FAM200B: variants seen among roughly 807,000 people sequenced by gnomAD.
FAM200B encodes protein FAM200B.
Under a neutral mutation model 33.1 loss-of-function variants are expected in FAM200B, and 32 were observed. The ratio of observed to expected loss-of-function variants is 0.97; its 90% CI spans 0.73 to 1.30. The LOEUF (loss-of-function observed/expected upper bound fraction) is 1.30. Ranked by LOEUF, FAM200B falls within the 50% of genes most tolerant of loss-of-function variation. The probability of loss-of-function intolerance (pLI) is 0.00; values close to 1 mark genes in which losing one functional copy is unlikely to be tolerated. For synonymous variants in FAM200B, 240 were observed against 264.8 expected (o/e 0.91, Z 0.91); for missense variants, 741 against 754.0 (o/e 0.98, Z 0.20).
the FAM200B span, chr4:15,656,379 C>T: frequency 2.3e-6 from 1 of 440,062 alleles, no homozygotes; most frequent in Non-Finnish European, 4.6e-6. Flanking sequence ...ACAGGGAAGC[C>T]TGAGAACCTT....
At chr4:15,662,390 G>A in the FAM200B span, among the ~76,000 whole-genome samples, 1 of 152,104 alleles carries the variant, frequency 6.6e-6, no homozygotes, top group Non-Finnish European at 1.5e-5. Flanking sequence ...AATAAACTAT[G>A]AAAAAGAGTA....
chr4:15,648,376 C>T, the FAM200B span, among the ~76,000 whole-genome samples: 1 of 152,114 alleles, frequency 6.6e-6, no homozygotes. Flanking sequence ...CAATCCCATT[C>T]CTGAGTATAT....
Position 15,688,409 on chromosome 4 carries a change from C to T in FAM200B, c.1432C>T (p.Arg478Cys), listed in dbSNP as rs1486152059. The T allele has an allele frequency of 6.5e-6, 10 of 1,546,954 alleles. No homozygotes were observed. The highest frequency in any genetic ancestry group is 3.6e-5 in the South Asian group (3 of 83,670). ...LLWQVRLKSN[R>C]PSYYMFPRFL... ...ATGGCAAGTAAGACTTAAAAGTAAT[C>T]GTCCTAGCTATTACATGTTTCCAAG... Residue 478 changes from arginine to cysteine, a missense_variant, in exon 2 of 2, where the codon CGT becomes TGT. Arg to Cys is a radical substitution (Grantham distance 180). Transcript: ENST00000422728.
chr4:15,655,513 C>T, the FAM200B span: 5 of 357,772 alleles, frequency 1.4e-5, no homozygotes, highest in African/African-American at 2.2e-5. Context: ...CTTCTGCCTC[C>T]CGCCCCCACT....
the FAM200B span, among the ~76,000 whole-genome samples, chr4:15,665,846 G>A: frequency 2.0e-5 from 3 of 152,174 alleles, no homozygotes; most frequent in African/African-American, 2.4e-5. Flanking sequence ...GTAGGAATCC[G>A]ATGATTAGTG....
At chr4:15,639,810 TTTTG>T in the FAM200B span, among the ~76,000 whole-genome samples, 89 of 152,352 alleles carry the variant, frequency 5.8e-4, no homozygotes, top group East Asian at 3.9e-4. Flanking sequence ...TCGGGGTTTC[TTTTG>T]TTTGTTTGTT....
upstream of FAM200B, among the ~76,000 whole-genome samples, chr4:15,680,489 G>A (rs1404139205): frequency 6.6e-6 from 1 of 152,090 alleles, no homozygotes; most frequent in Non-Finnish European, 1.5e-5. Context: ...TGGCCAAAAT[G>A]GTGAAACCCC....
chr4:15,658,085 T>A, the FAM200B span, among the ~76,000 whole-genome samples: 1 of 152,344 alleles, frequency 6.6e-6, no homozygotes. Flanking sequence ...ATAGGCCTCT[T>A]CTATAGTAGT....
the FAM200B span, among the ~76,000 whole-genome samples, chr4:15,658,232 G>A: frequency 6.6e-6 from 1 of 152,220 alleles, no homozygotes; most frequent in Non-Finnish European, 1.5e-5. Context: ...AGCAATGAAA[G>A]AATGTTTACG....
the FAM200B span, among the ~76,000 whole-genome samples, chr4:15,671,212 C>T: frequency 6.6e-6 from 1 of 152,020 alleles, no homozygotes; most frequent in Admixed American, 6.6e-5. Context: ...GCGTGAGTCA[C>T]TGCACCTGGC....
chr4:15,645,548 C>T, the FAM200B span, among the ~76,000 whole-genome samples: 1 of 152,124 alleles, frequency 6.6e-6, no homozygotes. Flanking sequence ...CTGCCTCAGC[C>T]TCCTGAGTAG....
chr4:15,641,136 TTTTA>T, the FAM200B span, among the ~76,000 whole-genome samples: 2 of 152,164 alleles, frequency 1.3e-5, no homozygotes, highest in Non-Finnish European at 2.9e-5. Context: ...TGCCCACAGC[TTTTA>T]TTGATGTATA....
chr4:15,683,626 G>T (rs1718560964), intron 1 of FAM200B, among the ~76,000 whole-genome samples: 1 of 151,988 alleles, frequency 6.6e-6, no homozygotes, highest in Admixed American at 6.5e-5. Context: ...TAGGTTCTAA[G>T]CTTTAAAAGC....
At chr4:15,686,061 A>T (rs1343975567) in intron 1 of FAM200B, among the ~76,000 whole-genome samples, 175 bp from the exon 2 acceptor site, 4 of 152,166 alleles carry the variant, frequency 2.6e-5, no homozygotes, top group Non-Finnish European at 5.9e-5. Flanking sequence ...ATCTCAGTTG[A>T]AGTGGTTTGC....
chr4:15,669,681 G>A, the FAM200B span, among the ~76,000 whole-genome samples: 1 of 152,168 alleles, frequency 6.6e-6, no homozygotes, highest in African/African-American at 2.4e-5. Flanking sequence ...AAGACAGTCT[G>A]CTGATTTCAC....
intron 1 of FAM200B, among the ~76,000 whole-genome samples, chr4:15,684,525 G>T (rs781576910): frequency 4.6e-5 from 7 of 152,178 alleles, no homozygotes; most frequent in Non-Finnish European, 8.8e-5. Context: ...GTAGTTTGAG[G>T]TTTCTTGGGG....
At chr4:15,640,962 T>C in the FAM200B span, 3 of 740,302 alleles carry the variant, frequency 4.1e-6, no homozygotes, top group East Asian at 9.0e-5. Context: ...GTTTAAAATG[T>C]GACATAAAAC....
At chr4:15,673,305 T>C in the FAM200B span, among the ~76,000 whole-genome samples, 3 of 151,862 alleles carry the variant, frequency 2.0e-5, no homozygotes, top group Non-Finnish European at 4.4e-5. Flanking sequence ...GCCGGGTGTG[T>C]TGACCCGTGC....
At chr4:15,644,600 T>C in the FAM200B span, 6 of 1,614,118 alleles carry the variant, frequency 3.7e-6, no homozygotes, top group Non-Finnish European at 5.1e-6. Context: ...AAACCAATAA[T>C]GTATTCATTT....
Sources: gnomAD v4.1 joint callset for allele counts (sites outside exome capture counted in the v4.1 genomes callset) on GRCh38, gnomAD v4.1.1 for gene constraint, MANE v1.5 for transcripts, NCBI Gene and HGNC (gene_info 2026-07-23, HGNC 2026-07-21) for gene names.